Variants in ARHGAP15 observed in about 807,000 individuals in gnomAD.
ARHGAP15 encodes the protein rho GTPase-activating protein 15.
ARHGAP15 carries 51 observed loss-of-function variants against 63.7 expected under a neutral mutation model. The observed-to-expected ratio is 0.80, with a 90% CI of 0.64 to 1.01. The LOEUF is 1.01. ARHGAP15 is among the 50% of genes least tolerant of loss of function. The probability of loss-of-function intolerance (pLI) is 0.00; values close to 1 mark genes in which losing one functional copy is unlikely to be tolerated. For missense variants in ARHGAP15, 560 were observed against 564.6 expected (o/e 0.99, Z 0.08); for synonymous variants, 191 against 193.8 (o/e 0.99, Z 0.12).
chr2:143,323,921 A>AAAAAAC (rs1558893097), intron 6 of ARHGAP15, among the ~76,000 whole-genome samples: 6 of 149,546 alleles, frequency 4.0e-5, no homozygotes, highest in African/African-American at 1.5e-4. Flanking sequence ...AAAAAAAAAA[A>AAAAAAC]AACACCTAAA....
At chr2:143,601,161 A>G (rs1183297236) in intron 11 of ARHGAP15, among the ~76,000 whole-genome samples, 4 of 152,162 alleles carry the variant, frequency 2.6e-5, no homozygotes, top group African/African-American at 4.8e-5. Context: ...CGAACAACTT[A>G]TCTCACTTAC....
At chr2:143,513,656 T>C (rs563493499) in intron 9 of ARHGAP15, among the ~76,000 whole-genome samples, 2 of 152,328 alleles carry the variant, frequency 1.3e-5, no homozygotes, top group South Asian at 4.1e-4. Context: ...CTCATAACCA[T>C]TCTGCTGCAT....
intron 6 of ARHGAP15, among the ~76,000 whole-genome samples, chr2:143,428,555 C>T (rs1003465690): frequency 5.9e-5 from 9 of 151,870 alleles, no homozygotes; most frequent in African/African-American, 2.2e-4. Context: ...ACTAAATTCT[C>T]ATGAGAGATG....
intron 12 of ARHGAP15, chr2:143,682,846 T>C (rs899385926): frequency 2.0e-5 from 3 of 152,218 alleles, no homozygotes; most frequent in Middle Eastern, 3.2e-3. Context: ...CTTCTCCTTT[T>C]TCGCAGGAGT....
intron 6 of ARHGAP15, among the ~76,000 whole-genome samples, chr2:143,335,574 G>A (rs1684735649): frequency 6.6e-6 from 1 of 152,114 alleles, no homozygotes; most frequent in Non-Finnish European, 1.5e-5. Flanking sequence ...CCAAGGAAAT[G>A]TTAAAACTTA....
At chr2:143,703,686 G>A in intron 13 of ARHGAP15, 162 bp downstream of exon 13, 2 of 542,788 alleles carry the variant, frequency 3.7e-6, no homozygotes, top group Non-Finnish European at 3.2e-6. Context: ...AATGTGTTAG[G>A]GATAGGAAGG....
chr2:143,537,613 C>T (rs1292490948), intron 10 of ARHGAP15, among the ~76,000 whole-genome samples: 1 of 152,164 alleles, frequency 6.6e-6, no homozygotes, highest in East Asian at 1.9e-4. Context: ...CCAGTTTTCC[C>T]AGCACCATTT....
intron 9 of ARHGAP15, among the ~76,000 whole-genome samples, chr2:143,518,422 A>G (rs1049577212): frequency 3.3e-5 from 5 of 152,240 alleles, no homozygotes; most frequent in Non-Finnish European, 7.3e-5. Context: ...GTCTGGAGAC[A>G]TGCTCTCTGA....
At chr2:143,660,424 G>A (rs1012572364) in intron 12 of ARHGAP15, among the ~76,000 whole-genome samples, 3 of 152,152 alleles carry the variant, frequency 2.0e-5, no homozygotes, top group African/African-American at 7.2e-5. Context: ...ACCAACAAAG[G>A]GAAATGTACC....
chr2:143,276,058 G>A (rs111708224), intron 6 of ARHGAP15, among the ~76,000 whole-genome samples: 5 of 152,168 alleles, frequency 3.3e-5, no homozygotes, highest in African/African-American at 7.2e-5. Flanking sequence ...CTTCCATAGC[G>A]AGAATCGTTC....
At chr2:143,692,974 T>C (rs1342377667) in intron 12 of ARHGAP15, among the ~76,000 whole-genome samples, 2 of 152,180 alleles carry the variant, frequency 1.3e-5, no homozygotes, top group African/African-American at 4.8e-5. Context: ...ATATTGGACT[T>C]CTTCAAAGGA....
At chr2:143,546,116 T>G (rs563481888) in intron 10 of ARHGAP15, among the ~76,000 whole-genome samples, 4 of 152,220 alleles carry the variant, frequency 2.6e-5, no homozygotes, top group African/African-American at 9.6e-5. Context: ...AAAATTACAG[T>G]TCAGAATGAA....
At chr2:143,524,199 T>C (rs1694170380) in intron 10 of ARHGAP15, among the ~76,000 whole-genome samples, 1 of 93,064 alleles carries the variant, frequency 1.1e-5, no homozygotes, top group African/African-American at 4.3e-5. Context: ...ACTTGACTTC[T>C]TAGCAGCTGT....
At chr2:143,368,216 T>C (rs1686381821) in intron 6 of ARHGAP15, among the ~76,000 whole-genome samples, 1 of 152,072 alleles carries the variant, frequency 6.6e-6, no homozygotes, top group Non-Finnish European at 1.5e-5. Flanking sequence ...ATGTGGAAAA[T>C]ATTACATGTT....
chr2:143,202,151 G>T lies in ARHGAP15; in HGVS notation c.183G>T (p.Arg61Ser). ...KVTEPISRHR[R>S]NHSQHILKDV... ...ATTTGCAGATATCCAGACACAGAAG[G>T]AATCATTCACAGCATATCTTGAAAG... is the stretch of plus-strand genomic sequence containing the variant. The change falls in exon 3 of 14, where the codon AGG becomes AGT. Residue 61 changes from arginine to serine, a missense_variant. Arg to Ser is a moderately radical substitution (Grantham distance 110, BLOSUM62 -1). Transcript: ENST00000295095. 1 of 1,612,076 alleles carries T rather than the reference G, an allele frequency of 6.2e-7. No homozygotes were observed. Among genetic ancestry groups the T allele is most frequent in the Non-Finnish European group, 8.5e-7 (1 of 1,178,552 alleles).
intron 5 of ARHGAP15, among the ~76,000 whole-genome samples, chr2:143,248,864 A>G (rs1574150219): frequency 6.6e-6 from 1 of 152,218 alleles, no homozygotes; most frequent in Non-Finnish European, 1.5e-5. Context: ...TGGAACATAA[A>G]AAGTGCTTCT....
chr2:143,363,294 A>G (rs1323804270), intron 6 of ARHGAP15, among the ~76,000 whole-genome samples: 6 of 152,166 alleles, frequency 3.9e-5, no homozygotes, highest in African/African-American at 9.7e-5. Flanking sequence ...TAATCCCAGC[A>G]CTTTTGGAGG....
intron 6 of ARHGAP15, among the ~76,000 whole-genome samples, chr2:143,264,909 G>GA: frequency 6.6e-6 from 1 of 152,288 alleles, no homozygotes; most frequent in Non-Finnish European, 1.5e-5. Context: ...GGCTTGTAGA[G>GA]AACATGCAGG....
At chr2:143,535,805 A>G (rs920238277) in intron 10 of ARHGAP15, among the ~76,000 whole-genome samples, 8 of 152,248 alleles carry the variant, frequency 5.3e-5, no homozygotes, top group African/African-American at 1.9e-4. Flanking sequence ...TTCATACAAG[A>G]GAAAACATGA....
Sources: allele counts gnomAD v4.1 joint callset (sites outside exome capture counted in the v4.1 genomes callset), GRCh38; gene constraint gnomAD v4.1.1; transcripts MANE v1.5; gene names NCBI Gene and HGNC (gene_info 2026-07-23, HGNC 2026-07-21).